EPS15: variants seen among roughly 807,000 people sequenced by gnomAD.
The protein encoded by EPS15 is epidermal growth factor receptor substrate 15.
EPS15 carries 72 observed loss-of-function variants against 113.8 expected under a neutral mutation model. The ratio of observed to expected loss-of-function variants is 0.63; its 90% CI spans 0.52 to 0.77. EPS15 has a LOEUF of 0.77. Among genes scored for constraint, EPS15 ranks in the 30% least tolerant of loss-of-function variants. The pLI, the probability that EPS15 is intolerant of heterozygous loss-of-function variation, is 0.00. For missense variants in EPS15, 1,048 were observed against 1,045.8 expected (o/e 1.00, Z -0.03); for synonymous variants, 344 against 363.4 (o/e 0.95, Z 0.61).
At chr1:51,391,304 T>C (rs1471407033) in intron 21 of EPS15, among the ~76,000 whole-genome samples, 2 of 151,530 alleles carry the variant, frequency 1.3e-5, no homozygotes, top group East Asian at 3.9e-4. Flanking sequence ...TCACACACCA[T>C]GGCCTTTCGT....
At chr1:51,393,790 G>A (rs571017365) in intron 21 of EPS15, among the ~76,000 whole-genome samples, 26 of 152,268 alleles carry the variant, frequency 1.7e-4, no homozygotes, top group African/African-American at 6.3e-4. Flanking sequence ...ACCTAATATT[G>A]AATCTTGGCT....
intron 21 of EPS15, among the ~76,000 whole-genome samples, chr1:51,369,132 TTA>T (rs1400057674): frequency 6.6e-6 from 1 of 152,190 alleles, no homozygotes; most frequent in African/African-American, 2.4e-5. Flanking sequence ...GTGAACAAAA[TTA>T]ATTTTAAAAA....
At chr1:51,400,790 C>A in intron 19 of EPS15, 128 bp downstream of exon 19, 51 of 270,030 alleles carry the variant, frequency 1.9e-4, no homozygotes, top group Middle Eastern at 4.8e-4. Flanking sequence ...GAATTTACTA[C>A]TCTCTTTCTG....
intron 21 of EPS15, among the ~76,000 whole-genome samples, chr1:51,383,563 T>C (rs962136338): frequency 2.0e-5 from 3 of 152,202 alleles, no homozygotes; most frequent in Admixed American, 6.5e-5. Context: ...TTCAAGCTCC[T>C]ATGAGAATCT....
rs1364654500 is a variant in EPS15 at position 51,516,440 on chromosome 1, T to C, written c.33+2759A>G. On this transcript the variant is annotated intron_variant, in intron 1 of 24. Transcript: ENST00000371733. ...TTAAGAAAACTGAGGCCTGGATATT[T>C]AACCCAAACCCATACAGTTAGCTGT... Among the ~76,000 whole-genome samples the C allele has an allele frequency of 3.3e-5, 5 of 152,062 alleles. 1 individual carries two copies. In the East Asian group the frequency reaches 9.6e-4, roughly 29 times the overall value.
intron 12 of EPS15, among the ~76,000 whole-genome samples, chr1:51,428,826 C>CAAAAAAAA (rs902706524): frequency 1.9e-5 from 1 of 53,844 alleles, no homozygotes; most frequent in Non-Finnish European, 3.4e-5. Context: ...GACTCCATCT[C>CAAAAAAAA]AAAAAAAAAA....
At chr1:51,394,303 A>G (rs1032699764) in intron 21 of EPS15, 78 bp downstream of exon 21, 1 of 858,720 alleles carries the variant, frequency 1.2e-6, no homozygotes, top group Non-Finnish European at 1.8e-6. Context: ...AACAGGACAA[A>G]TATATTTAGA....
chr1:51,505,714 GA>G (rs1430081895), intron 1 of EPS15, among the ~76,000 whole-genome samples: 1 of 152,018 alleles, frequency 6.6e-6, no homozygotes, highest in Non-Finnish European at 1.5e-5. Flanking sequence ...AAAAATTTTA[GA>G]AAAGAACAAT....
intron 12 of EPS15, among the ~76,000 whole-genome samples, chr1:51,425,849 T>C (rs902428138): frequency 6.6e-6 from 1 of 152,212 alleles, no homozygotes; most frequent in Admixed American, 6.5e-5. Flanking sequence ...ATATTAACAT[T>C]ACTTAGAATT....
intron 3 of EPS15, among the ~76,000 whole-genome samples, chr1:51,472,348 A>C (rs1028947325): frequency 4.6e-5 from 7 of 152,220 alleles, no homozygotes; most frequent in Non-Finnish European, 8.8e-5. Context: ...TTCTATGTGC[A>C]AGTTGAGATG....
chr1:51,357,175 C>T (rs996353415), intron 24 of EPS15, among the ~76,000 whole-genome samples: 4 of 150,704 alleles, frequency 2.7e-5, no homozygotes, highest in Non-Finnish European at 5.9e-5. Flanking sequence ...GTCAGGAGTT[C>T]GAGACCAGCT....
intron 21 of EPS15, among the ~76,000 whole-genome samples, chr1:51,375,291 G>A (rs1372620360): frequency 4.6e-5 from 7 of 152,144 alleles, no homozygotes; most frequent in African/African-American, 7.2e-5. Context: ...GTGAGCCACC[G>A]CGCCCGACTA....
Position 51,355,251 on chromosome 1 carries a change from T to G in EPS15, c.*1449A>C, listed in dbSNP as rs1646194460. On this transcript the variant is annotated 3_prime_UTR_variant, in exon 25 of 25. Coordinates refer to ENST00000371733, the MANE Select transcript of EPS15 (RefSeq NM_001981.3). Reference sequence around the variant, plus strand: ...TCAAGAAGAAATGAATTGGATATTTTGGAATTTATTTATAGGCTAGGCAAT... The same window carrying G: ...TCAAGAAGAAATGAATTGGATATTTGGGAATTTATTTATAGGCTAGGCAAT... The G allele has an allele frequency of 4.6e-6, 1 of 219,632 alleles. No individual in the cohort carries two copies. The highest frequency in any genetic ancestry group is 2.2e-5 in the African/African-American group (1 of 44,548). 13.6% of individuals were successfully genotyped at this position (219,632 alleles called of 1,614,324 possible). A position where few individuals can be genotyped will look rare whatever the true frequency, so the allele number is the denominator to read the frequency against.
intron 6 of EPS15, among the ~76,000 whole-genome samples, chr1:51,464,648 G>A (rs546579747): frequency 6.6e-6 from 1 of 152,112 alleles, no homozygotes; most frequent in Non-Finnish European, 1.5e-5. Flanking sequence ...ATTTTTAAAA[G>A]TTATTAGTGT....
chr1:51,390,402 T>A (rs1446870824), intron 21 of EPS15, among the ~76,000 whole-genome samples: 1 of 152,164 alleles, frequency 6.6e-6, no homozygotes, highest in African/African-American at 2.4e-5. Context: ...GACATAGGCA[T>A]GGGCAAGGAC....
chr1:51,426,837 C>CTCTCTATATATA (rs377211027), intron 12 of EPS15, among the ~76,000 whole-genome samples: 166 of 143,628 alleles, frequency 1.2e-3, no homozygotes, highest in Admixed American at 3.3e-3. Flanking sequence ...CTCTCTCTCT[C>CTCTCTATATATA]TATATATATA....
intron 21 of EPS15, among the ~76,000 whole-genome samples, chr1:51,385,172 T>C (rs2148388734): frequency 6.6e-6 from 1 of 152,222 alleles, no homozygotes; most frequent in African/African-American, 2.4e-5. Flanking sequence ...AGAAAATATT[T>C]GCAAATCATT....
intron 21 of EPS15, chr1:51,372,933 T>A (rs1229533179): frequency 3.0e-6 from 2 of 675,562 alleles, no homozygotes; most frequent in East Asian, 1.3e-4. Context: ...AACCACCAGA[T>A]CATTAGCTGC....
rs559787145 is a variant in EPS15, at chr1:51,402,312, A to G, written c.1882+123T>C. The stretch of plus-strand genomic sequence containing the variant: ...CAGTGAGCCGAGATCGTGCCACTGC[A>G]CTCCAGCCTGGGCGACAGACTGAGT... On this transcript the variant is annotated intron_variant, in intron 18 of 24. Transcript: ENST00000371733. 24 of 525,884 alleles carry G rather than the reference A, an allele frequency of 4.6e-5. No individual in the cohort carries two copies. In the East Asian group the frequency reaches 8.4e-4, roughly 18 times the overall value. The allele number at this position is 525,884 out of a possible 1,614,324, so 32.6% of individuals were successfully genotyped here. A position where few individuals can be genotyped will look rare whatever the true frequency, so the allele number is the denominator to read the frequency against.
Sources: gnomAD v4.1 joint callset for allele counts (sites outside exome capture counted in the v4.1 genomes callset) on GRCh38, gnomAD v4.1.1 for gene constraint, MANE v1.5 for transcripts, NCBI Gene and HGNC (gene_info 2026-07-23, HGNC 2026-07-21) for gene names.